The following NRDE2 variants were observed in gnomAD, a reference collection of about 807,000 sequenced individuals.
NRDE2 encodes NRDE-2, necessary for RNA interference, domain containing, also known as nuclear exosome regulator NRDE2.
Under a neutral mutation model 124.2 loss-of-function variants are expected in NRDE2, and 76 were observed. The ratio of observed to expected loss-of-function variants is 0.61; its 90% CI spans 0.51 to 0.74. The LOEUF is 0.74. Ranked by LOEUF, NRDE2 falls within the 30% of genes least tolerant of loss-of-function variation. The pLI, the probability that NRDE2 is intolerant of heterozygous loss-of-function variation, is 0.00. For synonymous variants in NRDE2, 489 were observed against 528.1 expected (o/e 0.93, Z 1.01); for missense variants, 1,314 against 1,417.3 (o/e 0.93, Z 1.17).
intron 1 of NRDE2, among the ~76,000 whole-genome samples, chr14:90,324,262 A>T (rs1195356553): frequency 6.6e-6 from 1 of 152,150 alleles, no homozygotes; most frequent in Admixed American, 6.6e-5. Flanking sequence ...GGCCTTAAAA[A>T]ACATGTTTGA....
Position 90,304,195 on chromosome 14 carries a change from C to G in NRDE2, c.745G>C (p.Glu249Gln), listed in dbSNP as rs1197893005. 1 of 1,614,150 alleles carries G rather than the reference C, an allele frequency of 6.2e-7. No individual in the cohort carries two copies. The highest frequency in any genetic ancestry group is 8.5e-7 in the Non-Finnish European group (1 of 1,180,036). Residue 249 changes from glutamate (E) to glutamine (Q), a missense_variant, in exon 5 of 14, where the codon GAG (glutamate) becomes CAG (glutamine). Coordinates refer to ENST00000354366, the MANE Select transcript of NRDE2 (RefSeq NM_017970.4). ...ISSKTEPPSS[E>Q]PISFIPVKDL... ...TTCACTGGTATAAAGGAGATGGGCT[C>G]AGATGAGGGAGGTTCAGTTTTACTG... is the stretch of plus-strand genomic sequence containing the variant.
Position 90,330,100 on chromosome 14 carries a change from G to A in NRDE2, c.64+1741C>T, listed in dbSNP as rs535602762. Among the ~76,000 whole-genome samples, 15 of 151,502 alleles carry A rather than the reference G, an allele frequency of 9.9e-5. No homozygotes were observed. The South Asian group carries it at 2.1e-3, about 21-fold the overall frequency. On this transcript the variant is annotated intron_variant, in intron 1 of 13. Coordinates refer to ENST00000354366, the MANE Select transcript of NRDE2 (RefSeq NM_017970.4). ...TGAGTGCCTGTAGTCCCAGCTACTC[G>A]GGAGGCTGAGGCAGGAGAATCACTT...
chr14:90,288,387 G>T lies in NRDE2; in HGVS notation c.2988C>A (p.Gly996=). The T allele has an allele frequency of 6.2e-7, 1 of 1,614,154 alleles. No homozygotes were observed. The highest frequency in any genetic ancestry group is 8.5e-7 in the Non-Finnish European group (1 of 1,180,030). The part of the protein sequence containing the change: ...ALSQALKLYP[G]NQVLWRSYVQ... ...CATAGGACCTCCAAAGAACCTGGTT[G>T]CCTGGATACAACTTTAAAGCCTGTG... The change falls in exon 11 of 14, where the codon GGC becomes GGA. Residue 996 remains glycine (G), a synonymous_variant. Coordinates refer to ENST00000354366, the MANE Select transcript of NRDE2 (RefSeq NM_017970.4).
intron 1 of NRDE2, among the ~76,000 whole-genome samples, chr14:90,326,974 G>C (rs986624205): frequency 2.6e-5 from 4 of 152,094 alleles, no homozygotes; most frequent in African/African-American, 7.2e-5. Context: ...AGAAGTAAAA[G>C]CTTCATAATC....
In NRDE2 at chr14:90,312,438, AG is replaced by A. The variant is rs1347352266; in HGVS notation, c.512del (p.Pro171LeufsTer14). 3.1e-6 allele frequency: 5 copies of A among 1,613,960 alleles called. No homozygotes were observed. Among genetic ancestry groups the A allele is most frequent in the Non-Finnish European group, 4.2e-6 (5 of 1,179,978 alleles). On this transcript the variant is annotated frameshift_variant, in exon 4 of 14. Coordinates refer to ENST00000354366, the MANE Select transcript of NRDE2 (RefSeq NM_017970.4). LOFTEE classifies it high-confidence loss of function. ...AGAGAGACTTGTACTCCCAGTTCGC[AG>A]GATCTGGTTTCTTATCTGTTCTGAA... The part of the protein sequence containing the change: ...ETFRTDKKPD[P>X]ANWEYKSLYR...
intron 12 of NRDE2, among the ~76,000 whole-genome samples, chr14:90,285,854 C>T (rs892725709): frequency 3.9e-5 from 6 of 151,952 alleles, no homozygotes; most frequent in Non-Finnish European, 7.4e-5. Flanking sequence ...AGGCTGGTCT[C>T]GAACTCCTGG....
rs920355404 is a variant in NRDE2, at chr14:90,276,310, C to G, written c.*2026G>C. 1.6e-4 allele frequency: 24 copies of G among 149,186 alleles called. No individual in the cohort carries two copies. Among genetic ancestry groups the G allele is most frequent in the Admixed American group, 1.5e-3 (22 of 14,712 alleles). The allele number at this position is 149,186 out of a possible 1,614,324, so 9.2% of individuals were successfully genotyped here. A position where few individuals can be genotyped will look rare whatever the true frequency, so the allele number is the denominator to read the frequency against. ...CTTGGCTCACTGCAAGCTCTGCCTC[C>G]CAGGTTCACGCCATTCTCCTGCCTT... On this transcript the variant is annotated 3_prime_UTR_variant, in exon 14 of 14. Coordinates refer to ENST00000354366, the MANE Select transcript of NRDE2 (RefSeq NM_017970.4).
chr14:90,317,833 G>GAAA, intron 2 of NRDE2, 172 bp downstream of exon 2: 16 of 487,814 alleles, frequency 3.3e-5, no homozygotes, highest in East Asian at 1.0e-4. Context: ...GCAAAGCAAA[G>GAAA]AAAAAAAAAA....
chr14:90,291,293 A>G (rs1346353812), intron 9 of NRDE2, among the ~76,000 whole-genome samples: 1 of 152,222 alleles, frequency 6.6e-6, no homozygotes, highest in African/African-American at 2.4e-5. Flanking sequence ...GCTCTCAGCA[A>G]AGCGGAAATC....
chr14:90,312,722 A>G (rs1309707857), intron 3 of NRDE2, among the ~76,000 whole-genome samples, 179 bp from the exon 4 acceptor site: 1 of 152,228 alleles, frequency 6.6e-6, no homozygotes, highest in Non-Finnish European at 1.5e-5. Context: ...AGCTCTGGGC[A>G]AAGAGTTTTA....
chr14:90,315,479 T>A (rs532926630), intron 3 of NRDE2, among the ~76,000 whole-genome samples: 6 of 152,264 alleles, frequency 3.9e-5, no homozygotes, highest in Non-Finnish European at 7.4e-5. Context: ...CTAGACCATA[T>A]GAGCAAATAA....
chr14:90,270,570 G>C lies in NRDE2; in HGVS notation c.*7766C>G, dbSNP rs982800327. 1 of 495,866 alleles carries C rather than the reference G, an allele frequency of 2.0e-6. No individual in the cohort carries two copies. Among genetic ancestry groups the C allele is most frequent in the Non-Finnish European group, 3.4e-6 (1 of 297,356 alleles). The allele number at this position is 495,866 out of a possible 1,614,324, so 30.7% of individuals were successfully genotyped here. A position where few individuals can be genotyped will look rare whatever the true frequency, so the allele number is the denominator to read the frequency against. ...GCAGTGAATGACGCTAAATCACCTGGAGCCACAAGGCTGAGTCGCTGGTAC... is the reference window on the plus strand; with the variant it reads ...GCAGTGAATGACGCTAAATCACCTGCAGCCACAAGGCTGAGTCGCTGGTAC... On this transcript the variant is annotated 3_prime_UTR_variant, in exon 14 of 14. Transcript: ENST00000354366.
chr14:90,278,896 G>A (rs1016637503), intron 13 of NRDE2, 166 bp downstream of exon 13: 1 of 671,310 alleles, frequency 1.5e-6, no homozygotes, highest in Non-Finnish European at 2.7e-6. Flanking sequence ...CTCCACAGGG[G>A]ACAGTTTCAC....
At chr14:90,306,938 C>A (rs1474165971) in intron 4 of NRDE2, among the ~76,000 whole-genome samples, 1 of 152,078 alleles carries the variant, frequency 6.6e-6, no homozygotes, top group African/African-American at 2.4e-5. Context: ...CCTCATTAGT[C>A]TCACAAAAAA....
At position 90,288,863 on chromosome 14, in the gene NRDE2, C is replaced by T. The variant is rs781075120; in HGVS notation, c.2512G>A (p.Val838Met). 2.8e-5 allele frequency: 46 copies of T among 1,614,166 alleles called. No homozygotes were observed. The South Asian group carries it at 4.9e-4, about 17-fold the overall frequency. The change falls in exon 11 of 14, where the codon GTG becomes ATG. Residue 838 changes from valine to methionine, a missense_variant. Transcript: ENST00000354366. ...GCTCGAGCTGTGGCAGCCCTTCTCA[C>T]TTCTGGCGACAGCTCCACCTCCAGC... ...AELEVELSPE[V>M]RRAATARAVH...
chr14:90,270,426 G>C lies in NRDE2; in HGVS notation c.*7910C>G, dbSNP rs188528911. On this transcript the variant is annotated 3_prime_UTR_variant, in exon 14 of 14. Coordinates refer to ENST00000354366, the MANE Select transcript of NRDE2 (RefSeq NM_017970.4). ...CAGGAAAGAGTCTATATGTGCTCTT[G>C]GGATGGTGGTTGGCCTGGACAGGTG... The C allele has an allele frequency of 1.2e-3, 1,851 of 1,502,314 alleles. 1 individual carries two copies. The highest frequency in any genetic ancestry group is 1.5e-3 in the Non-Finnish European group (1,722 of 1,120,188). 93.1% of individuals were successfully genotyped at this position (1,502,314 alleles called of 1,614,324 possible).
intron 2 of NRDE2, 22 bp from the exon 3 acceptor site, chr14:90,316,833 A>T (rs1160319352): frequency 6.8e-7 from 1 of 1,476,128 alleles, no homozygotes; most frequent in Non-Finnish European, 9.3e-7. Flanking sequence ...AATCAACTTT[A>T]AAATTACTTT....
Position 90,304,294 on chromosome 14 carries a change from A to C in NRDE2, c.646T>G (p.Ser216Ala), listed in dbSNP as rs561121483. The change falls in exon 5 of 14, where the codon TCA (serine) becomes GCA (alanine). Residue 216 changes from serine (S) to alanine (A), a missense_variant. By Grantham distance (99) the Ser-to-Ala change is moderately conservative. Coordinates refer to ENST00000354366, the MANE Select transcript of NRDE2 (RefSeq NM_017970.4). ...WEGTSTEKKHSRKQVERYFTK... is the reference protein window; with the variant it reads ...WEGTSTEKKHARKQVERYFTK... ...AAATAGCGTTCAACCTGCTTGCGTGAATGCTTCTTCTCTGTGGAAGTCCCT... is the reference window on the plus strand; with the variant it reads ...AAATAGCGTTCAACCTGCTTGCGTGCATGCTTCTTCTCTGTGGAAGTCCCT... 1 of 1,614,162 alleles carries C rather than the reference A, an allele frequency of 6.2e-7. No individual in the cohort carries two copies. The highest frequency in any genetic ancestry group is 1.3e-5 in the African/African-American group (1 of 75,038).
intron 4 of NRDE2, among the ~76,000 whole-genome samples, chr14:90,311,813 A>G (rs1049577649): frequency 2.0e-5 from 3 of 152,188 alleles, no homozygotes; most frequent in African/African-American, 4.8e-5. Flanking sequence ...GTTTTAAGAA[A>G]GTTTACAAAT....
Sources: allele counts gnomAD v4.1 joint callset (sites outside exome capture counted in the v4.1 genomes callset), GRCh38; gene constraint gnomAD v4.1.1; transcripts MANE v1.5; gene names NCBI Gene and HGNC (gene_info 2026-07-23, HGNC 2026-07-21).